SSH2: variants seen among roughly 807,000 people sequenced by gnomAD.
The protein encoded by SSH2 is slingshot protein phosphatase 2.
A neutral mutation model predicts 135.2 loss-of-function variants in SSH2; 37 were observed. The ratio of observed to expected loss-of-function variants is 0.27; its 90% CI spans 0.21 to 0.36. SSH2 has a LOEUF of 0.36. Among genes scored for constraint, SSH2 ranks in the 10% least tolerant of loss-of-function variants. SSH2 has a pLI of 1.00. For missense variants in SSH2, 1,408 were observed against 1,765.3 expected (o/e 0.80, Z 3.63); for synonymous variants, 628 against 646.2 (o/e 0.97, Z 0.43).
chr17:29,630,561 A>C lies in SSH2; in HGVS notation c.*280T>G. The C allele has an allele frequency of 4.4e-6, 1 of 229,100 alleles. No individual in the cohort carries two copies. 14.2% of individuals were successfully genotyped at this position (229,100 alleles called of 1,614,324 possible). ...GGTGGCAGCTGACTGAAAAACAGCA[A>C]TTTGCCTTTGATAAAGGTGTTCTCT... On this transcript the variant is annotated 3_prime_UTR_variant, in exon 16 of 16. Coordinates refer to ENST00000540801, the MANE Select transcript of SSH2 (RefSeq NM_001282129.2).
At chr17:29,779,407 T>C (rs1235742750) in intron 3 of SSH2, among the ~76,000 whole-genome samples, 1 of 151,982 alleles carries the variant, frequency 6.6e-6, no homozygotes, top group Admixed American at 6.6e-5. Context: ...TTTAAGAAAA[T>C]GAGAAGACAG....
intron 1 of SSH2, among the ~76,000 whole-genome samples, chr17:29,884,936 T>C (rs1292868734): frequency 1.3e-5 from 2 of 152,212 alleles, no homozygotes; most frequent in Non-Finnish European, 2.9e-5. Context: ...AAAAGCAGTA[T>C]TTTTTGTGTC....
At chr17:29,741,043 C>T (rs1015969970) in intron 3 of SSH2, among the ~76,000 whole-genome samples, 2 of 152,106 alleles carry the variant, frequency 1.3e-5, no homozygotes, top group Non-Finnish European at 2.9e-5. Context: ...TTCATCTTTC[C>T]ATTAGTTCTA....
intron 2 of SSH2, among the ~76,000 whole-genome samples, chr17:29,835,657 A>G (rs1005008993): frequency 2.0e-5 from 3 of 152,190 alleles, no homozygotes. Flanking sequence ...ATGCAAATGC[A>G]CCTAGTGCAG....
At chr17:29,847,517 A>G (rs1220787885) in intron 2 of SSH2, among the ~76,000 whole-genome samples, 1 of 152,180 alleles carries the variant, frequency 6.6e-6, no homozygotes, top group Middle Eastern at 3.2e-3. Flanking sequence ...GGAGACAGTT[A>G]TCTAAATGAC....
chr17:29,808,285 C>T (rs1473487770), intron 2 of SSH2, among the ~76,000 whole-genome samples: 1 of 152,186 alleles, frequency 6.6e-6, no homozygotes, highest in African/African-American at 2.4e-5. Flanking sequence ...CCCGCCATCA[C>T]GCCTGGCTAA....
intron 2 of SSH2, among the ~76,000 whole-genome samples, chr17:29,794,703 T>G (rs1257038686): frequency 6.6e-6 from 1 of 152,212 alleles, no homozygotes; most frequent in Non-Finnish European, 1.5e-5. Flanking sequence ...TATGTCAATT[T>G]AGACTCAATG....
intron 15 of SSH2, among the ~76,000 whole-genome samples, chr17:29,635,699 C>T (rs56393751): frequency 0.012 from 1,863 of 152,292 alleles, 23 homozygotes; most frequent in Non-Finnish European, 0.021. Flanking sequence ...TGAGCCACCG[C>T]GCCTGGTCAT....
At chr17:29,793,835 TAAC>T in intron 3 of SSH2, 56 bp downstream of exon 3, 1 of 1,400,468 alleles carries the variant, frequency 7.1e-7, no homozygotes, top group Non-Finnish European at 1.0e-6. Flanking sequence ...GAAAAAACAA[TAAC>T]TACTACAAAA....
intron 3 of SSH2, among the ~76,000 whole-genome samples, chr17:29,754,467 T>C (rs1307178219): frequency 2.0e-5 from 3 of 152,208 alleles, no homozygotes; most frequent in Non-Finnish European, 2.9e-5. Flanking sequence ...CTGCTGACGC[T>C]GAGCCTTAGA....
At chr17:29,753,747 C>G (rs551519969) in intron 3 of SSH2, among the ~76,000 whole-genome samples, 3 of 146,190 alleles carry the variant, frequency 2.1e-5, no homozygotes, top group Admixed American at 6.9e-5. Flanking sequence ...GAGTTGAGAT[C>G]GTGCCACTGT....
At chr17:29,638,490 GC>G (rs1274542703) in intron 14 of SSH2, among the ~76,000 whole-genome samples, 1 of 146,520 alleles carries the variant, frequency 6.8e-6, no homozygotes, top group Non-Finnish European at 1.5e-5. Context: ...TCTGGGGAAG[GC>G]TTTTACTTTC....
chr17:29,842,591 C>A (rs2151380302), intron 2 of SSH2, among the ~76,000 whole-genome samples: 1 of 152,214 alleles, frequency 6.6e-6, no homozygotes, highest in Non-Finnish European at 1.5e-5. Flanking sequence ...TCAAATGTCA[C>A]TCAAGAGCGT....
At position 29,713,355 on chromosome 17, in the gene SSH2, A is replaced by C. The variant is rs567643137; in HGVS notation, c.189-10293T>G. Among the ~76,000 whole-genome samples the C allele has an allele frequency of 2.3e-4, 35 of 150,594 alleles. 1 individual carries two copies. The highest frequency in any genetic ancestry group is 1.5e-3 in the South Asian group (7 of 4,642). On this transcript the variant is annotated intron_variant, in intron 3 of 15. Transcript: ENST00000540801. ...GTCTCAAAACAAACAAACAAACAAAACCCCCCCAAAGAAAACGCCACTGGT... is the reference window on the plus strand; with the variant it reads ...GTCTCAAAACAAACAAACAAACAAACCCCCCCCAAAGAAAACGCCACTGGT...
Position 29,676,897 on chromosome 17 carries a change from T to C in SSH2, c.549-12A>G, listed in dbSNP as rs779224101. 3 of 1,612,480 alleles carry C rather than the reference T, an allele frequency of 1.9e-6. No homozygotes were observed. The highest frequency in any genetic ancestry group is 2.5e-6 in the Non-Finnish European group (3 of 1,178,832). ...ATACACTGAACCCACTAAGGACAAA[T>C]GAGAACAAGACAAAAATCCACAAAT... is the stretch of plus-strand genomic sequence containing the variant. On this transcript the variant is annotated splice_polypyrimidine_tract_variant and intron_variant, in intron 7 of 15. Coordinates refer to ENST00000540801, the MANE Select transcript of SSH2 (RefSeq NM_001282129.2).
At chr17:29,703,198 G>A in intron 3 of SSH2, 136 bp from the exon 4 acceptor site, 1 of 646,312 alleles carries the variant, frequency 1.5e-6, no homozygotes, top group Non-Finnish European at 2.8e-6. Context: ...ACATAATCAA[G>A]AGAGGCTGTG....
intron 3 of SSH2, among the ~76,000 whole-genome samples, chr17:29,740,102 A>ATCAG (rs1406558255): frequency 1.3e-5 from 2 of 152,186 alleles, no homozygotes; most frequent in Non-Finnish European, 2.9e-5. Context: ...TGAACTCCTT[A>ATCAG]TCAGTCACCT....
chr17:29,874,543 T>C (rs1039834186), intron 1 of SSH2, among the ~76,000 whole-genome samples: 6 of 152,104 alleles, frequency 3.9e-5, no homozygotes, highest in Non-Finnish European at 7.4e-5. Flanking sequence ...GATGGTTTTA[T>C]AGGGGGCTCT....
chr17:29,837,261 CAAA>C (rs1344374838), intron 2 of SSH2, among the ~76,000 whole-genome samples: 7 of 103,146 alleles, frequency 6.8e-5, no homozygotes, highest in Admixed American at 2.0e-4. Flanking sequence ...GACTCTGTCT[CAAA>C]AAAAAAAAAA....
Sources: allele counts gnomAD v4.1 joint callset (sites outside exome capture counted in the v4.1 genomes callset), GRCh38; gene constraint gnomAD v4.1.1; transcripts MANE v1.5; gene names NCBI Gene and HGNC (gene_info 2026-07-23, HGNC 2026-07-21).